The following CSMD1 variants were observed in gnomAD, a reference collection of about 807,000 sequenced individuals.
CSMD1 encodes the protein CUB and sushi domain-containing protein 1.
Under a neutral mutation model 417.5 loss-of-function variants are expected in CSMD1, and 213 were observed. That is an observed-to-expected ratio of 0.51 (90% CI 0.46 to 0.57). The LOEUF (loss-of-function observed/expected upper bound fraction) is 0.57. Among genes scored for constraint, CSMD1 ranks in the 20% least tolerant of loss-of-function variants. The pLI is 0.00. For missense variants in CSMD1, 6,923 were observed against 4,529.7 expected, an observed-to-expected ratio of 1.53 and a Z score of -15.17; for synonymous variants, 2,862 against 1,736.8, an observed-to-expected ratio of 1.65 and a Z score of -16.11.
At chr8:4,015,780 T>C (rs545056892) in intron 4 of CSMD1, among the ~76,000 whole-genome samples, 6 of 152,130 alleles carry the variant, frequency 3.9e-5, no homozygotes, top group Admixed American at 1.3e-4. Flanking sequence ...CTTAAATGTA[T>C]GTGTTCAGAC....
intron 4 of CSMD1, among the ~76,000 whole-genome samples, chr8:4,018,746 T>A (rs2554593): frequency 0.31 from 47,838 of 152,004 alleles, 8,560 homozygotes; most frequent in South Asian, 0.47. Flanking sequence ...ACGGACAGCA[T>A]GTGACAAGGG....
At chr8:3,477,665 T>G (rs940492850) in intron 11 of CSMD1, among the ~76,000 whole-genome samples, 2 of 152,290 alleles carry the variant, frequency 1.3e-5, no homozygotes, top group Admixed American at 6.5e-5. Context: ...GAGGAAGAAG[T>G]CAACTCAGTT....
chr8:2,986,648 G>T (rs1253038771), intron 54 of CSMD1, among the ~76,000 whole-genome samples: 2 of 151,996 alleles, frequency 1.3e-5, no homozygotes, highest in African/African-American at 4.8e-5. Context: ...GGGACTACAG[G>T]TGCCCACCAC....
At chr8:4,047,599 G>C (rs1441604680) in intron 3 of CSMD1, among the ~76,000 whole-genome samples, 2 of 152,070 alleles carry the variant, frequency 1.3e-5, no homozygotes, top group Non-Finnish European at 2.9e-5. Flanking sequence ...TGCGTATTAT[G>C]TGTGGAATAT....
At chr8:3,102,637 C>T (rs1815839873) in intron 46 of CSMD1, among the ~76,000 whole-genome samples, 1 of 152,218 alleles carries the variant, frequency 6.6e-6, no homozygotes. Flanking sequence ...GCATGCACTT[C>T]TGAGGGAGGC....
chr8:4,060,305 G>C (rs187432803), intron 3 of CSMD1, among the ~76,000 whole-genome samples: 5 of 152,256 alleles, frequency 3.3e-5, no homozygotes, highest in Admixed American at 6.5e-5. Flanking sequence ...AGAATAATAA[G>C]AGTTATCTAT....
intron 12 of CSMD1, among the ~76,000 whole-genome samples, chr8:3,466,795 G>C (rs1051135943): frequency 1.3e-5 from 2 of 151,834 alleles, no homozygotes; most frequent in African/African-American, 4.8e-5. Flanking sequence ...TTATGTATAC[G>C]CATAAAGGTC....
intron 2 of CSMD1, among the ~76,000 whole-genome samples, chr8:4,458,737 T>G (rs1272306353): frequency 6.6e-6 from 1 of 152,192 alleles, no homozygotes; most frequent in African/African-American, 2.4e-5. Context: ...ATATTCTCCT[T>G]TTGTTACTTA....
At chr8:4,324,419 A>C (rs1563455169) in intron 3 of CSMD1, among the ~76,000 whole-genome samples, 1 of 152,212 alleles carries the variant, frequency 6.6e-6, no homozygotes. Flanking sequence ...CCCTGGCAGG[A>C]AAGCTAGAAG....
intron 5 of CSMD1, among the ~76,000 whole-genome samples, chr8:3,901,450 C>A (rs1439441438): frequency 6.6e-6 from 1 of 152,186 alleles, no homozygotes; most frequent in African/African-American, 2.4e-5. Flanking sequence ...ACTCTAATGA[C>A]TTCAAATTAT....
chr8:4,634,717 C>A lies in CSMD1; in HGVS notation c.302+2625G>T, dbSNP rs186423239. 2.2e-3 allele frequency among the ~76,000 whole-genome samples: 342 copies of A among 152,242 alleles called. 1 individual carries two copies. Among genetic ancestry groups the A allele is most frequent in the African/African-American group, 7.7e-3 (322 of 41,550 alleles). On this transcript the variant is annotated intron_variant, in intron 2 of 69. Transcript: ENST00000635120. ...GGAAACGAATAGCATTAGAGTGCTCCCTTTCCCGATTAATTAGAATTTGCT... is the reference window on the plus strand; with the variant it reads ...GGAAACGAATAGCATTAGAGTGCTCACTTTCCCGATTAATTAGAATTTGCT...
intron 2 of CSMD1, 40 bp from the exon 3 acceptor site, chr8:4,420,105 T>G (rs1262588727): frequency 1.4e-6 from 2 of 1,439,312 alleles, no homozygotes; most frequent in African/African-American, 1.6e-5. Flanking sequence ...GTTAAAAGCA[T>G]GAATTTGTCA....
chr8:4,972,296 C>G (rs1388414836), intron 1 of CSMD1, among the ~76,000 whole-genome samples: 1 of 148,744 alleles, frequency 6.7e-6, no homozygotes, highest in African/African-American at 2.6e-5. Context: ...AAAATTTCAT[C>G]TTGAATTGTA....
intron 3 of CSMD1, among the ~76,000 whole-genome samples, chr8:4,285,227 T>C (rs1337624798): frequency 2.0e-5 from 3 of 152,224 alleles, no homozygotes; most frequent in Non-Finnish European, 4.4e-5. Context: ...TTGTATACAA[T>C]CCGGTTTCAT....
In CSMD1 at chr8:4,481,363, T is replaced by C. The variant is rs1363438163; in HGVS notation, c.303-61298A>G. Among the ~76,000 whole-genome samples, 69 of 152,230 alleles carry C rather than the reference T, an allele frequency of 4.5e-4. 1 individual carries two copies. Among genetic ancestry groups the C allele is most frequent in the Admixed American group, 4.5e-3 (69 of 15,286 alleles). ...AGCTTAATCTATCAAAAGGGTTATT[T>C]CAATAAATATAAAATGAGACATCTC... On this transcript the variant is annotated intron_variant, in intron 2 of 69. Transcript: ENST00000635120.
chr8:4,345,768 C>A (rs1317940377), intron 3 of CSMD1, among the ~76,000 whole-genome samples: 1 of 151,958 alleles, frequency 6.6e-6, no homozygotes, highest in African/African-American at 2.4e-5. Flanking sequence ...TCATCTCAAC[C>A]CCGTTAAAAT....
At chr8:3,652,337 G>C (rs962206789) in intron 7 of CSMD1, among the ~76,000 whole-genome samples, 1 of 151,538 alleles carries the variant, frequency 6.6e-6, no homozygotes, top group South Asian at 2.1e-4. Context: ...ACCACCATCA[G>C]CGTGCTTACC....
At chr8:4,547,525 C>T (rs890785826) in intron 2 of CSMD1, among the ~76,000 whole-genome samples, 1 of 152,216 alleles carries the variant, frequency 6.6e-6, no homozygotes, top group Non-Finnish European at 1.5e-5. Flanking sequence ...TATGCACACT[C>T]TGCTCTCACT....
chr8:3,412,095 T>TATATATAC (rs761637060), intron 12 of CSMD1, among the ~76,000 whole-genome samples: 12 of 114,306 alleles, frequency 1.0e-4, no homozygotes, highest in Admixed American at 2.9e-4. Flanking sequence ...TATACACACG[T>TATATATAC]ATATATACAT....
Sources: gnomAD v4.1 joint callset for allele counts (sites outside exome capture counted in the v4.1 genomes callset) on GRCh38, gnomAD v4.1.1 for gene constraint, MANE v1.5 for transcripts, NCBI Gene and HGNC (gene_info 2026-07-23, HGNC 2026-07-21) for gene names.